The following ZHX1 variants were observed in gnomAD, a reference collection of about 807,000 sequenced individuals.
ZHX1 encodes the protein zinc fingers and homeoboxes protein 1.
A neutral mutation model predicts 61.8 loss-of-function variants in ZHX1; 20 were observed. The ratio of observed to expected loss-of-function variants is 0.32; its 90% CI spans 0.23 to 0.47. ZHX1 has a LOEUF of 0.47. ZHX1 is among the 20% of genes least tolerant of loss of function. ZHX1 has a pLI of 1.00. For missense variants in ZHX1, 800 were observed against 1,034.8 expected, an observed-to-expected ratio of 0.77 and a Z score of 3.11; for synonymous variants, 318 against 352.6, an observed-to-expected ratio of 0.90 and a Z score of 1.10.
At chr8:123,262,270 T>C (rs775536493) in intron 2 of ZHX1, among the ~76,000 whole-genome samples, 1 of 152,230 alleles carries the variant, frequency 6.6e-6, no homozygotes, top group Non-Finnish European at 1.5e-5. Context: ...ATTAATTTAA[T>C]TGCTATACTG....
chr8:123,250,819 T>C (rs1342764791), intron 3 of ZHX1, among the ~76,000 whole-genome samples: 1 of 152,220 alleles, frequency 6.6e-6, no homozygotes, highest in Non-Finnish European at 1.5e-5. Flanking sequence ...CAAGGATAAC[T>C]TGATGTTTCA....
At chr8:123,262,067 AT>A (rs1349351580) in intron 2 of ZHX1, among the ~76,000 whole-genome samples, 1 of 152,198 alleles carries the variant, frequency 6.6e-6, no homozygotes, top group Non-Finnish European at 1.5e-5. Context: ...CTATTTACCT[AT>A]AAAAAGAGGT....
At position 123,256,001 on chromosome 8, in the gene ZHX1, C is replaced by T. The variant is rs1169178284; in HGVS notation, c.-55G>A. The stretch of plus-strand genomic sequence containing the variant: ...GATTAAAAAGCATCGAGGCTTAAAA[C>T]TGTTCAGTGTTCTTCATTTGAAAAC... On this transcript the variant is annotated 5_prime_UTR_variant, in exon 3 of 4. Transcript: ENST00000395571. 4.0e-6 allele frequency: 6 copies of T among 1,497,678 alleles called. No individual in the cohort carries two copies. Among genetic ancestry groups the T allele is most frequent in the Non-Finnish European group, 5.4e-6 (6 of 1,113,726 alleles). 92.8% of individuals were successfully genotyped at this position (1,497,678 alleles called of 1,614,324 possible). A position where few individuals can be genotyped will look rare whatever the true frequency, so the allele number is the denominator to read the frequency against.
Position 123,255,258 on chromosome 8 carries a change from G to T in ZHX1, c.689C>A (p.Ser230Tyr). ...EIVENPSSSA[S>Y]ESNTSTSIVN... ...AATGGAAGTACTTGTATTAGATTCAGAAGCTGAAGAACTTGGATTTTCTAC... is the reference window on the plus strand; with the variant it reads ...AATGGAAGTACTTGTATTAGATTCATAAGCTGAAGAACTTGGATTTTCTAC... Residue 230 changes from serine to tyrosine, a missense_variant, in exon 3 of 4, where the codon TCT (serine) becomes TAT (tyrosine). Coordinates refer to ENST00000395571, the MANE Select transcript of ZHX1 (RefSeq NM_007222.5). The T allele has an allele frequency of 6.2e-7, 1 of 1,614,226 alleles. No homozygotes were observed.
intron 3 of ZHX1, among the ~76,000 whole-genome samples, chr8:123,252,110 T>C (rs1825936508): frequency 6.6e-6 from 1 of 152,140 alleles, no homozygotes; most frequent in African/African-American, 2.4e-5. Context: ...ACGTATAAAA[T>C]AATAATGAGG....
Position 123,249,230 on chromosome 8 carries a change from T to C in ZHX1, c.*1094A>G, listed in dbSNP as rs975700016. The C allele has an allele frequency of 2.6e-5, 4 of 152,410 alleles. No individual in the cohort carries two copies. Among genetic ancestry groups the C allele is most frequent in the Admixed American group, 6.5e-5 (1 of 15,280 alleles). The allele number at this position is 152,410 out of a possible 1,614,324, so 9.4% of individuals were successfully genotyped here. Reference sequence around the variant, plus strand: ...TCACAAAAGAAAGGGTTCTTCCCAATATGAATGAACAGCACCAGTCTTTAC... The same window carrying C: ...TCACAAAAGAAAGGGTTCTTCCCAACATGAATGAACAGCACCAGTCTTTAC... On this transcript the variant is annotated 3_prime_UTR_variant, in exon 4 of 4. Coordinates refer to ENST00000395571, the MANE Select transcript of ZHX1 (RefSeq NM_007222.5).
intron 1 of ZHX1, among the ~76,000 whole-genome samples, chr8:123,268,573 T>G (rs752471683): frequency 2.0e-5 from 3 of 152,070 alleles, no homozygotes; most frequent in Non-Finnish European, 4.4e-5. Flanking sequence ...ATCACTGCAA[T>G]CTCCGACTCC....
chr8:123,262,018 C>T (rs536346397), intron 2 of ZHX1, among the ~76,000 whole-genome samples: 16 of 152,196 alleles, frequency 1.1e-4, no homozygotes, highest in African/African-American at 3.4e-4. Flanking sequence ...TGAAGGTCAA[C>T]TAAAAATAGG....
chr8:123,260,967 A>G (rs1826233845), intron 2 of ZHX1, among the ~76,000 whole-genome samples: 1 of 152,176 alleles, frequency 6.6e-6, no homozygotes, highest in Non-Finnish European at 1.5e-5. Context: ...GGATGCAGTG[A>G]GCCAAGATCG....
Position 123,267,272 on chromosome 8 carries a change from C to G in ZHX1, c.-226+1G>C. 1 of 1,531,654 alleles carries G rather than the reference C, an allele frequency of 6.5e-7. No homozygotes were observed. Among genetic ancestry groups the G allele is most frequent in the Non-Finnish European group, 8.7e-7 (1 of 1,143,918 alleles). 94.9% of individuals were successfully genotyped at this position (1,531,654 alleles called of 1,614,324 possible). ...CCATACCAAAACAATGAAACACATA[C>G]TTGCCACAGCTTCCTTAGCATTCTG... is the stretch of plus-strand genomic sequence containing the variant. On this transcript the variant is annotated splice_donor_variant, in intron 2 of 3. Coordinates refer to ENST00000395571, the MANE Select transcript of ZHX1 (RefSeq NM_007222.5). LOFTEE classifies it low-confidence loss of function (5UTR_SPLICE).
At chr8:123,265,271 A>T (rs79680149) in intron 2 of ZHX1, among the ~76,000 whole-genome samples, 2,792 of 152,192 alleles carry the variant, frequency 0.018, 55 homozygotes, top group African/African-American at 0.047. Flanking sequence ...CAAAAATAAA[A>T]CTGTTCTTAG....
Position 123,253,524 on chromosome 8 carries a change from T to C in ZHX1, c.2423A>G (p.His808Arg), listed in dbSNP as rs1277902604. The C allele has an allele frequency of 1.9e-5, 30 of 1,614,086 alleles. No homozygotes were observed. Among genetic ancestry groups the C allele is most frequent in the Non-Finnish European group, 2.5e-5 (29 of 1,180,034 alleles). ...CTCTCTGACCTGCTCATAGCCCATATGTGATTTGTTAACAAGTTCATCAAG... is the reference window on the plus strand; with the variant it reads ...CTCTCTGACCTGCTCATAGCCCATACGTGATTTGTTAACAAGTTCATCAAG... ...QDLDELVNKS[H>R]MGYEQVREWF... The change falls in exon 3 of 4, where the codon CAT (histidine) becomes CGT (arginine). Residue 808 changes from histidine to arginine, a missense_variant. By Grantham distance (29) the His-to-Arg change is conservative. Transcript: ENST00000395571.
intron 1 of ZHX1, 158 bp downstream of exon 1, chr8:123,274,059 G>C (rs1302158891): frequency 6.6e-6 from 1 of 152,494 alleles, no homozygotes; most frequent in Admixed American, 6.5e-5. Context: ...CCGCGAGCGG[G>C]CTCAGCCCCA....
intron 1 of ZHX1, among the ~76,000 whole-genome samples, chr8:123,269,083 G>C (rs73703791): frequency 6.6e-6 from 1 of 152,130 alleles, no homozygotes; most frequent in African/African-American, 2.4e-5. Context: ...GGACTCTACA[G>C]TTTCATTTCC....
In ZHX1 at chr8:123,248,839, G is replaced by C. The variant is rs1309405191; in HGVS notation, c.*1485C>G. The C allele has an allele frequency of 6.6e-6, 1 of 152,390 alleles. No homozygotes were observed. The highest frequency in any genetic ancestry group is 1.5e-5 in the Non-Finnish European group (1 of 67,986). 9.4% of individuals were successfully genotyped at this position (152,390 alleles called of 1,614,324 possible). On this transcript the variant is annotated 3_prime_UTR_variant, in exon 4 of 4. Coordinates refer to ENST00000395571, the MANE Select transcript of ZHX1 (RefSeq NM_007222.5). The stretch of plus-strand genomic sequence containing the variant: ...AAAAAAAAAAGCTTAGTGCATTACG[G>C]TCTTTACATTGCTTCTTTTTTAAAA...
intron 2 of ZHX1, among the ~76,000 whole-genome samples, chr8:123,266,131 A>C (rs1294567480): frequency 6.6e-6 from 1 of 152,332 alleles, no homozygotes; most frequent in Non-Finnish European, 1.5e-5. Context: ...AGTGATATAT[A>C]AACTAGCAGT....
At position 123,254,425 on chromosome 8, in the gene ZHX1, T is replaced by C. The variant is rs1294871680; in HGVS notation, c.1522A>G (p.Ile508Val). ...CTTGTGTCACTAAACCATTTTTTAA[T>C]CTCTCCTTTCGTCAGGCCTGTTATT... ...MKITGLTKGE[I>V]KKWFSDTRYN... Residue 508 changes from isoleucine to valine, a missense_variant, in exon 3 of 4, where the codon ATT becomes GTT. Physicochemically the swap from Ile to Val is conservative, Grantham distance 29 (BLOSUM62 3). Coordinates refer to ENST00000395571, the MANE Select transcript of ZHX1 (RefSeq NM_007222.5). The surrounding 1 kb of genome is among the most constrained non-coding windows in gnomAD (Gnocchi z 4.1). The C allele has an allele frequency of 1.2e-6, 2 of 1,614,202 alleles. No individual in the cohort carries two copies. Among genetic ancestry groups the C allele is most frequent in the Admixed American group, 1.7e-5 (1 of 60,022 alleles).
chr8:123,250,927 T>C (rs1320502137), intron 3 of ZHX1, among the ~76,000 whole-genome samples: 1 of 152,216 alleles, frequency 6.6e-6, no homozygotes, highest in Non-Finnish European at 1.5e-5. Flanking sequence ...AAATCTTACC[T>C]TGAATTGTAA....
chr8:123,268,888 C>G (rs937862561), intron 1 of ZHX1, among the ~76,000 whole-genome samples: 3 of 152,270 alleles, frequency 2.0e-5, no homozygotes, highest in Admixed American at 1.3e-4. Flanking sequence ...ATTCCTGCTA[C>G]TATTACATAC....
Sources: allele counts gnomAD v4.1 joint callset (sites outside exome capture counted in the v4.1 genomes callset), GRCh38; gene constraint gnomAD v4.1.1; non-coding constraint Gnocchi (gnomAD v3.1); transcripts MANE v1.5; gene names NCBI Gene and HGNC (gene_info 2026-07-23, HGNC 2026-07-21).